The following FER variants were observed in gnomAD, a reference collection of about 807,000 sequenced individuals.
FER encodes FER tyrosine kinase, also known as tyrosine-protein kinase Fer.
A neutral mutation model predicts 111.0 loss-of-function variants in FER; 63 were observed. The observed-to-expected ratio is 0.57, with a 90% CI of 0.46 to 0.70. The LOEUF is 0.70. Among genes scored for constraint, FER ranks in the 30% least tolerant of loss-of-function variants. The probability of loss-of-function intolerance (pLI) is 0.00; values close to 1 mark genes in which losing one functional copy is unlikely to be tolerated. For missense variants in FER, 914 were observed against 954.0 expected, an observed-to-expected ratio of 0.96 and a Z score of 0.55; for synonymous variants, 327 against 313.9, an observed-to-expected ratio of 1.04 and a Z score of -0.44.
intron 17 of FER, among the ~76,000 whole-genome samples, chr5:109,154,717 C>G (rs1755186557): frequency 6.6e-6 from 1 of 151,784 alleles, no homozygotes; most frequent in Non-Finnish European, 1.5e-5. Context: ...TAACAAATTA[C>G]CACAAATTTT....
At chr5:108,792,972 T>G (rs1400627854) in intron 2 of FER, among the ~76,000 whole-genome samples, 3 of 152,290 alleles carry the variant, frequency 2.0e-5, no homozygotes, top group South Asian at 4.1e-4. Context: ...CACATCAGGG[T>G]AAATGGGGTA....
intron 13 of FER, among the ~76,000 whole-genome samples, chr5:108,960,768 C>G (rs1281063532): frequency 6.6e-6 from 1 of 152,068 alleles, no homozygotes; most frequent in African/African-American, 2.4e-5. Context: ...TGCTTATCAC[C>G]TTTAACTTCA....
chr5:108,794,921 A>G (rs1354983960), intron 2 of FER, among the ~76,000 whole-genome samples: 1 of 152,198 alleles, frequency 6.6e-6, no homozygotes, highest in Non-Finnish European at 1.5e-5. Context: ...GAATATTTAC[A>G]TCTTTCTACA....
intron 1 of FER, among the ~76,000 whole-genome samples, chr5:108,751,345 AACTT>A (rs771885942): frequency 2.0e-5 from 3 of 151,630 alleles, no homozygotes; most frequent in Non-Finnish European, 4.4e-5. Context: ...AAACTATACT[AACTT>A]AATTACATGA....
chr5:108,871,386 C>T lies in FER; in HGVS notation c.687C>T (p.Tyr229=). 1.2e-6 allele frequency: 2 copies of T among 1,610,536 alleles called. No individual in the cohort carries two copies. Among genetic ancestry groups the T allele is most frequent in the Non-Finnish European group, 8.5e-7 (1 of 1,178,108 alleles). Residue 229 remains tyrosine, a synonymous_variant, in exon 7 of 20, where the codon TAC becomes TAT. Transcript: ENST00000281092. The stretch of plus-strand genomic sequence containing the variant: ...TCAGCAAAGGTATATTTGATGAATA[C>T]AGCCAGATAACCAGTCTTGTCACAG... ...IKALKGIFDE[Y]SQITSLVTEE...
intron 13 of FER, among the ~76,000 whole-genome samples, chr5:109,009,108 C>A (rs1420939628): frequency 7.5e-6 from 1 of 134,110 alleles, no homozygotes; most frequent in Non-Finnish European, 1.5e-5. Flanking sequence ...AATGCACTGG[C>A]GTGATCTCGG....
chr5:108,815,528 CTATTG>C (rs1758185801), intron 3 of FER, among the ~76,000 whole-genome samples: 2 of 151,998 alleles, frequency 1.3e-5, no homozygotes, highest in Admixed American at 6.6e-5. Flanking sequence ...TGTTTAACAG[CTATTG>C]TATTGTTAGG....
intron 8 of FER, among the ~76,000 whole-genome samples, chr5:108,877,522 G>A (rs565204940): frequency 3.9e-5 from 6 of 152,170 alleles, no homozygotes; most frequent in African/African-American, 7.2e-5. Context: ...ATAAAGATTT[G>A]TGTCATGGTA....
At chr5:109,008,950 A>G (rs916291647) in intron 13 of FER, among the ~76,000 whole-genome samples, 6 of 152,112 alleles carry the variant, frequency 3.9e-5, no homozygotes, top group Non-Finnish European at 1.5e-5. Flanking sequence ...AGCCTGGGCA[A>G]CAAGAGCGAA....
chr5:109,007,269 C>T (rs959574487), intron 13 of FER, among the ~76,000 whole-genome samples: 1 of 152,124 alleles, frequency 6.6e-6, no homozygotes, highest in African/African-American at 2.4e-5. Flanking sequence ...TTTACAGTGT[C>T]CTTTCATTTT....
intron 13 of FER, among the ~76,000 whole-genome samples, chr5:109,022,024 A>G (rs1343303149): frequency 3.3e-5 from 5 of 152,108 alleles, no homozygotes; most frequent in Non-Finnish European, 7.4e-5. Flanking sequence ...TAATGTCCTT[A>G]GATCCAAAAG....
rs1561500324 is a variant in FER, at chr5:108,844,093, C to CATGTGTGTGAACACAT, written c.481+8288_481+8289insGTGTGTGAACACATAT. Among the ~76,000 whole-genome samples the CATGTGTGTGAACACAT allele has an allele frequency of 1.5e-3, 145 of 96,740 alleles. 1 individual carries two copies. Among genetic ancestry groups the CATGTGTGTGAACACAT allele is most frequent in the Middle Eastern group, 5.6e-3 (1 of 180 alleles). The allele number at this position is 96,740 out of a possible 152,430, so 63.5% of individuals were successfully genotyped here. ...GTGTGTGAACATATATGCGTGTGAA[C>CATGTGTGTGAACACAT]ATATGTGTGTGAACATGTGTGTGAA... On this transcript the variant is annotated intron_variant, in intron 5 of 19. Transcript: ENST00000281092.
At chr5:108,940,578 T>C (rs902087792) in intron 10 of FER, among the ~76,000 whole-genome samples, 2 of 152,042 alleles carry the variant, frequency 1.3e-5, no homozygotes, top group African/African-American at 4.8e-5. Context: ...TCGGTGGAAC[T>C]GTATGAGCAG....
chr5:109,041,721 T>C (rs1771209588), intron 14 of FER, among the ~76,000 whole-genome samples: 1 of 152,132 alleles, frequency 6.6e-6, no homozygotes, highest in African/African-American at 2.4e-5. Flanking sequence ...ACAGCTCAAA[T>C]TGCCAATAAA....
intron 13 of FER, among the ~76,000 whole-genome samples, chr5:108,985,959 G>A (rs1415627671): frequency 4.6e-5 from 7 of 152,148 alleles, no homozygotes; most frequent in Non-Finnish European, 7.3e-5. Context: ...ACCCAATGGT[G>A]GGATTGCTGG....
intron 8 of FER, among the ~76,000 whole-genome samples, chr5:108,878,728 A>G (rs35316595): frequency 0.07 from 10,587 of 152,248 alleles, 403 homozygotes; most frequent in Non-Finnish European, 0.082. Flanking sequence ...CTTGGAAGGG[A>G]TCATGCAAGT....
chr5:108,822,438 G>T (rs558205985), intron 3 of FER, among the ~76,000 whole-genome samples: 24 of 152,276 alleles, frequency 1.6e-4, no homozygotes, highest in Admixed American at 3.3e-4. Flanking sequence ...CTGGCTTCCG[G>T]TGAGAACTAT....
intron 13 of FER, among the ~76,000 whole-genome samples, chr5:109,000,392 A>G (rs919169131): frequency 3.3e-5 from 5 of 152,102 alleles, no homozygotes; most frequent in Non-Finnish European, 2.9e-5. Context: ...TCATGAAGCA[A>G]AACAAATGGA....
chr5:109,138,815 A>T (rs1322718433), intron 17 of FER, among the ~76,000 whole-genome samples: 2 of 152,314 alleles, frequency 1.3e-5, no homozygotes, highest in Non-Finnish European at 1.5e-5. Context: ...CACGTGCAGT[A>T]TGAGTGCCAA....
Sources: allele counts gnomAD v4.1 joint callset (sites outside exome capture counted in the v4.1 genomes callset), GRCh38; gene constraint gnomAD v4.1.1; transcripts MANE v1.5; gene names NCBI Gene and HGNC (gene_info 2026-07-23, HGNC 2026-07-21).